The following MLLT3 variants were observed in gnomAD, a reference collection of about 807,000 sequenced individuals.
MLLT3 encodes the protein protein AF-9.
In MLLT3, 4 loss-of-function variants were observed where a neutral mutation model predicts 53.2. That is an observed-to-expected ratio of 0.08 (90% confidence interval 0.04 to 0.17). The LOEUF (loss-of-function observed/expected upper bound fraction) is 0.17. MLLT3 is among the 10% of genes least tolerant of loss of function. The probability of loss-of-function intolerance (pLI) is 1.00; values close to 1 mark genes in which losing one functional copy is unlikely to be tolerated. For missense variants in MLLT3, 569 were observed against 684.0 expected (o/e 0.83, Z 1.87); for synonymous variants, 283 against 230.6 (o/e 1.23, Z -2.06).
chr9:20,559,877 G>A (rs1024235032), intron 2 of MLLT3, among the ~76,000 whole-genome samples: 2 of 152,158 alleles, frequency 1.3e-5, no homozygotes, highest in African/African-American at 4.8e-5. Context: ...AGCAGCAAGA[G>A]TACTAACACA....
intron 2 of MLLT3, among the ~76,000 whole-genome samples, chr9:20,544,197 A>G (rs991354906): frequency 1.4e-4 from 22 of 152,246 alleles, no homozygotes; most frequent in African/African-American, 4.1e-4. Context: ...ATAACACTTT[A>G]TAAAACTCCT....
chr9:20,474,713 T>C (rs1032128634), intron 2 of MLLT3, among the ~76,000 whole-genome samples: 2 of 152,090 alleles, frequency 1.3e-5, no homozygotes, highest in African/African-American at 4.8e-5. Flanking sequence ...AAGGGCATCC[T>C]ATGACTATAA....
intron 2 of MLLT3, among the ~76,000 whole-genome samples, chr9:20,594,462 G>A (rs1003543509): frequency 2.0e-5 from 3 of 152,084 alleles, no homozygotes; most frequent in African/African-American, 7.2e-5. Context: ...AGGATTAAGG[G>A]TTCTCTTATA....
At chr9:20,370,622 T>C (rs1052706040) in intron 5 of MLLT3, among the ~76,000 whole-genome samples, 4 of 152,062 alleles carry the variant, frequency 2.6e-5, no homozygotes, top group African/African-American at 9.7e-5. Context: ...GCCATTCTCC[T>C]GCCTCAGCCT....
At chr9:20,590,388 A>C (rs1156377118) in intron 2 of MLLT3, among the ~76,000 whole-genome samples, 1 of 152,236 alleles carries the variant, frequency 6.6e-6, no homozygotes, top group Non-Finnish European at 1.5e-5. Flanking sequence ...ATGAATCTCC[A>C]CATGCGGAGG....
chr9:20,543,190 C>A (rs1818687238), intron 2 of MLLT3, among the ~76,000 whole-genome samples: 1 of 152,220 alleles, frequency 6.6e-6, no homozygotes, highest in African/African-American at 2.4e-5. Context: ...CGACTGTTCA[C>A]TGAAGGAGCA....
In MLLT3 at chr9:20,611,757, T is replaced by C. The variant is rs1301217894; in HGVS notation, c.193+8897A>G. On this transcript the variant is annotated intron_variant, in intron 2 of 10. Coordinates refer to ENST00000380338, the MANE Select transcript of MLLT3 (RefSeq NM_004529.4). Reference sequence around the variant, plus strand: ...TGGCCTTATCTTTTTAGAAATTCTATCGTAATAGCCTTCTTCAGTCGTCAA... The same window carrying C: ...TGGCCTTATCTTTTTAGAAATTCTACCGTAATAGCCTTCTTCAGTCGTCAA... Among the ~76,000 whole-genome samples the C allele has an allele frequency of 3.3e-5, 5 of 152,148 alleles. No homozygotes were observed. In the East Asian group the frequency reaches 9.6e-4, roughly 29 times the overall value.
chr9:20,461,867 G>A (rs1384450334), intron 2 of MLLT3, among the ~76,000 whole-genome samples: 1 of 152,150 alleles, frequency 6.6e-6, no homozygotes, highest in African/African-American at 2.4e-5. Flanking sequence ...ACTGTGCAGA[G>A]AGCCCTTCAG....
chr9:20,456,836 G>T (rs1823981522), intron 2 of MLLT3, 50 bp from the exon 3 acceptor site: 2 of 1,321,742 alleles, frequency 1.5e-6, no homozygotes, highest in Admixed American at 2.5e-5. Flanking sequence ...TAGACAAAAA[G>T]ACATTCTTCT....
At chr9:20,618,375 TTG>T (rs549383139) in intron 2 of MLLT3, among the ~76,000 whole-genome samples, 112 of 152,302 alleles carry the variant, frequency 7.4e-4, no homozygotes, top group African/African-American at 2.7e-3. Context: ...AGTGGCATGT[TTG>T]GTGTTGCTTG....
At chr9:20,497,091 T>C (rs1353112841) in intron 2 of MLLT3, among the ~76,000 whole-genome samples, 1 of 152,248 alleles carries the variant, frequency 6.6e-6, no homozygotes. Flanking sequence ...GGTTTACTTG[T>C]TGGCTCTAGA....
intron 2 of MLLT3, among the ~76,000 whole-genome samples, chr9:20,574,159 A>C (rs1819597503): frequency 1.3e-5 from 2 of 152,206 alleles, no homozygotes; most frequent in Non-Finnish European, 2.9e-5. Context: ...TTGCATTTCT[A>C]ACAAGTTCCT....
intron 2 of MLLT3, among the ~76,000 whole-genome samples, chr9:20,588,896 C>T (rs1447002843): frequency 2.0e-5 from 3 of 151,724 alleles, no homozygotes; most frequent in Non-Finnish European, 4.4e-5. Context: ...TACCATCTCA[C>T]ACCAGTTAGA....
chr9:20,473,652 C>T (rs948143717), intron 2 of MLLT3, among the ~76,000 whole-genome samples: 2 of 151,978 alleles, frequency 1.3e-5, no homozygotes, highest in African/African-American at 2.4e-5. Flanking sequence ...CCAGATAATA[C>T]TCAAACATTT....
rs534952443 is a variant in MLLT3, at chr9:20,414,088, A to C, written c.758T>G (p.Phe253Cys). 1 of 1,613,732 alleles carries C rather than the reference A, an allele frequency of 6.2e-7. No individual in the cohort carries two copies. Among genetic ancestry groups the C allele is most frequent in the Non-Finnish European group, 8.5e-7 (1 of 1,179,948 alleles). Residue 253 changes from phenylalanine (F) to cysteine (C), a missense_variant, in exon 5 of 11, where the codon TTC (phenylalanine) becomes TGC (cysteine). Transcript: ENST00000380338. ...KEEKIVPKMA[F>C]KEPKPMSKEP... ...TTTTGACATGGGTTTAGGTTCCTTG[A>C]AGGCCATCTTAGGAACTATTTTCTC... is the stretch of plus-strand genomic sequence containing the variant.
At chr9:20,600,073 T>A (rs1169641003) in intron 2 of MLLT3, among the ~76,000 whole-genome samples, 3 of 149,626 alleles carry the variant, frequency 2.0e-5, no homozygotes, top group African/African-American at 7.4e-5. Context: ...ATAATTTTTT[T>A]AAATCCACAC....
chr9:20,452,945 C>T (rs1157733305), intron 3 of MLLT3, among the ~76,000 whole-genome samples: 1 of 152,046 alleles, frequency 6.6e-6, no homozygotes, highest in Non-Finnish European at 1.5e-5. Context: ...CTGTGCATTG[C>T]AACTATAGTC....
In MLLT3 at chr9:20,414,330, G is replaced by GCTGCTGCTGCTGCTA. The variant is rs1171031839; in HGVS notation, c.501_515dup (p.Ser186_Ser190dup). ...TGCTGCTACTGCTGCTGCTGCTGCT[G>GCTGCTGCTGCTGCTA]CTGCTGCTGCTGCTACTGCTGCTGC... On this transcript the variant is annotated inframe_insertion, in exon 5 of 11. Transcript: ENST00000380338. 2 of 1,606,546 alleles carry GCTGCTGCTGCTGCTA rather than the reference G, an allele frequency of 1.2e-6. No homozygotes were observed. The highest frequency in any genetic ancestry group is 1.3e-5 in the African/African-American group (1 of 74,530).
chr9:20,558,373 T>TCTGCCTGC, intron 2 of MLLT3, among the ~76,000 whole-genome samples: 1 of 152,264 alleles, frequency 6.6e-6, no homozygotes, highest in East Asian at 1.9e-4. Context: ...CCTCAAGTGA[T>TCTGCCTGC]CTGCCTGCCT....
Sources: allele counts gnomAD v4.1 joint callset (sites outside exome capture counted in the v4.1 genomes callset), GRCh38; gene constraint gnomAD v4.1.1; transcripts MANE v1.5; gene names NCBI Gene and HGNC (gene_info 2026-07-23, HGNC 2026-07-21).